The following SUPT3H variants were observed in gnomAD, a reference collection of about 807,000 sequenced individuals.
SUPT3H encodes the protein SPT3 homolog, SAGA and STAGA complex component, also known as transcription initiation protein SPT3 homolog.
In SUPT3H, 44 loss-of-function variants were observed where a neutral mutation model predicts 44.3. The observed-to-expected ratio is 0.99, with a 90% CI of 0.78 to 1.28. The LOEUF (loss-of-function observed/expected upper bound fraction) is 1.28, where lower values mean the gene tolerates loss of function less well. Among genes scored for constraint, SUPT3H ranks in the 50% most tolerant of loss-of-function variants. The pLI, the probability that SUPT3H is intolerant of heterozygous loss-of-function variation, is 0.00. For synonymous variants in SUPT3H, 124 were observed against 125.6 expected, an observed-to-expected ratio of 0.99 and a Z score of 0.09; for missense variants, 380 against 387.1, an observed-to-expected ratio of 0.98 and a Z score of 0.15.
chr6:44,914,982 C>A (rs1046726743), intron 10 of SUPT3H, among the ~76,000 whole-genome samples: 6 of 152,194 alleles, frequency 3.9e-5, no homozygotes, highest in African/African-American at 1.2e-4. Context: ...GAGATGAGAT[C>A]TGGACTCTTA....
At chr6:45,200,721 T>C (rs1049473659) in intron 2 of SUPT3H, among the ~76,000 whole-genome samples, 1 of 151,460 alleles carries the variant, frequency 6.6e-6, no homozygotes, top group Admixed American at 6.6e-5. Context: ...CCATTCTCTT[T>C]AGGCCTACCC....
intron 3 of SUPT3H, among the ~76,000 whole-genome samples, chr6:45,091,820 A>G (rs967770505): frequency 2.0e-5 from 3 of 151,974 alleles, no homozygotes; most frequent in African/African-American, 7.2e-5. Context: ...TGGTCATTTA[A>G]AAGTCTTTGG....
At chr6:45,309,222 T>G (rs1453574580) in intron 2 of SUPT3H, among the ~76,000 whole-genome samples, 4 of 147,848 alleles carry the variant, frequency 2.7e-5, no homozygotes, top group Non-Finnish European at 6.0e-5. Context: ...GAAGATAAAC[T>G]GCCTGAGAAA....
chr6:45,178,400 C>T (rs1483378245), intron 2 of SUPT3H, among the ~76,000 whole-genome samples: 2 of 152,074 alleles, frequency 1.3e-5, no homozygotes, highest in East Asian at 3.9e-4. Flanking sequence ...TACAGGACCA[C>T]CCAGATTCCT....
At chr6:45,327,041 T>G (rs1440880003) in intron 2 of SUPT3H, among the ~76,000 whole-genome samples, 1 of 151,958 alleles carries the variant, frequency 6.6e-6, no homozygotes, top group African/African-American at 2.4e-5. Flanking sequence ...AACAGGAAGC[T>G]CTATTCATAA....
intron 10 of SUPT3H, among the ~76,000 whole-genome samples, chr6:44,880,077 T>C (rs546231726): frequency 2.3e-4 from 35 of 152,220 alleles, no homozygotes; most frequent in Admixed American, 6.5e-4. Flanking sequence ...GAGAATGAGT[T>C]TGACGAACTG....
In SUPT3H at chr6:44,856,295, G is replaced by A. The variant is rs113021623; in HGVS notation, c.913-26438C>T. ...ATGTGGCCACTGCATCTTTAAGACA[G>A]CTAGTCTCTTCCCTCAGAGACGACA... is the stretch of plus-strand genomic sequence containing the variant. On this transcript the variant is annotated intron_variant, in intron 10 of 10. Coordinates refer to ENST00000371459, the MANE Select transcript of SUPT3H (RefSeq NM_003599.4). 8.9e-3 allele frequency among the ~76,000 whole-genome samples: 1,358 copies of A among 152,274 alleles called. 13 individuals carry two copies. The highest frequency in any genetic ancestry group is 0.025 in the South Asian group (119 of 4,824).
intron 2 of SUPT3H, among the ~76,000 whole-genome samples, chr6:45,121,006 A>T (rs1487864682): frequency 6.6e-6 from 1 of 152,176 alleles, no homozygotes; most frequent in Non-Finnish European, 1.5e-5. Flanking sequence ...TTACACAGAG[A>T]TTAAAATTGA....
At chr6:45,108,884 C>T (rs1429825079) in intron 2 of SUPT3H, among the ~76,000 whole-genome samples, 3 of 152,092 alleles carry the variant, frequency 2.0e-5, no homozygotes, top group Non-Finnish European at 4.4e-5. Flanking sequence ...GAGAAAACTA[C>T]ACGGTCCTTA....
At chr6:45,144,235 T>A (rs76639299) in intron 2 of SUPT3H, among the ~76,000 whole-genome samples, 1,951 of 151,936 alleles carry the variant, frequency 0.013, 23 homozygotes, top group South Asian at 0.029. Context: ...GAAAAGGACA[T>A]AACAAGAAAA....
At chr6:45,216,344 A>C (rs879130371) in intron 2 of SUPT3H, among the ~76,000 whole-genome samples, 1 of 152,156 alleles carries the variant, frequency 6.6e-6, no homozygotes, top group Admixed American at 6.6e-5. Context: ...TATCACTGCA[A>C]AAAGAAACCC....
chr6:45,100,562 A>AAAAAAAAAAAAAAAAC (rs1412317865), intron 3 of SUPT3H, among the ~76,000 whole-genome samples: 1 of 149,322 alleles, frequency 6.7e-6, no homozygotes, highest in Non-Finnish European at 1.5e-5. Flanking sequence ...AAAAAAAAAA[A>AAAAAAAAAAAAAAAAC]AAGACACACA....
intron 9 of SUPT3H, among the ~76,000 whole-genome samples, chr6:44,951,975 ATAGTGAT>A (rs1774389853): frequency 6.6e-6 from 1 of 152,218 alleles, no homozygotes; most frequent in Non-Finnish European, 1.5e-5. Flanking sequence ...AAGAAAACAA[ATAGTGAT>A]TAATCAACTA....
At chr6:45,224,666 T>C (rs1766617009) in intron 2 of SUPT3H, among the ~76,000 whole-genome samples, 2 of 152,042 alleles carry the variant, frequency 1.3e-5, no homozygotes, top group Non-Finnish European at 2.9e-5. Flanking sequence ...TAATTTCAGC[T>C]ACTCTGGAGG....
chr6:45,077,626 C>CAAATAAAAA (rs765871514), intron 3 of SUPT3H, among the ~76,000 whole-genome samples: 2 of 34,028 alleles, frequency 5.9e-5, no homozygotes, highest in Admixed American at 5.4e-4. Flanking sequence ...GACCTTGTTT[C>CAAATAAAAA]AAAAAAAAAA....
chr6:45,104,270 T>C (rs1428343810), intron 3 of SUPT3H, among the ~76,000 whole-genome samples: 1 of 152,108 alleles, frequency 6.6e-6, no homozygotes, highest in African/African-American at 2.4e-5. Flanking sequence ...AATAGTAACA[T>C]ACATAGATTT....
At chr6:45,180,240 A>G (rs1420366614) in intron 2 of SUPT3H, among the ~76,000 whole-genome samples, 26 of 143,096 alleles carry the variant, frequency 1.8e-4, no homozygotes, top group Non-Finnish European at 3.4e-4. Context: ...ATGGAAGAAC[A>G]TTCCATGCTC....
At chr6:45,112,440 T>C (rs977466861) in intron 2 of SUPT3H, among the ~76,000 whole-genome samples, 2 of 152,142 alleles carry the variant, frequency 1.3e-5, no homozygotes, top group Non-Finnish European at 2.9e-5. Flanking sequence ...GAACATATTA[T>C]CACGGAATTT....
At chr6:44,943,676 C>T (rs1473500774) in intron 9 of SUPT3H, among the ~76,000 whole-genome samples, 4 of 151,782 alleles carry the variant, frequency 2.6e-5, no homozygotes, top group South Asian at 2.1e-4. Context: ...CACAGGGAAA[C>T]GATAATAGAA....
Sources: gnomAD v4.1 joint callset for allele counts (sites outside exome capture counted in the v4.1 genomes callset) on GRCh38, gnomAD v4.1.1 for gene constraint, MANE v1.5 for transcripts, NCBI Gene and HGNC (gene_info 2026-07-23, HGNC 2026-07-21) for gene names.